UBR3: variants seen among roughly 807,000 people sequenced by gnomAD.
The protein encoded by UBR3 is E3 ubiquitin-protein ligase UBR3.
In UBR3, 85 loss-of-function variants were observed where a neutral mutation model predicts 243.2. The observed-to-expected ratio is 0.35, with a 90% confidence interval of 0.29 to 0.42. The LOEUF (loss-of-function observed/expected upper bound fraction) is 0.42. Among genes scored for constraint, UBR3 ranks in the 10% least tolerant of loss-of-function variants. UBR3 has a pLI of 1.00. For synonymous variants in UBR3, 748 were observed against 799.8 expected (o/e 0.94, Z 1.09); for missense variants, 1,686 against 2,300.8 (o/e 0.73, Z 5.47).
chr2:169,847,725 C>T (rs975130776), intron 1 of UBR3, among the ~76,000 whole-genome samples: 2 of 152,158 alleles, frequency 1.3e-5, no homozygotes. Flanking sequence ...ACTGTGTCAC[C>T]TATCTAATAC....
intron 22 of UBR3, among the ~76,000 whole-genome samples, chr2:169,949,243 T>G (rs1220696183): frequency 3.3e-5 from 5 of 152,046 alleles, no homozygotes; most frequent in Admixed American, 6.5e-5. Flanking sequence ...TAGTAAGGAG[T>G]ATCCTATTCT....
At chr2:169,998,808 T>C (rs545888471) in intron 26 of UBR3, among the ~76,000 whole-genome samples, 1 of 152,314 alleles carries the variant, frequency 6.6e-6, no homozygotes, top group Admixed American at 6.5e-5. Flanking sequence ...ATGGGAAATA[T>C]GACACAACAG....
intron 23 of UBR3, among the ~76,000 whole-genome samples, chr2:169,958,227 A>G (rs2087402256): frequency 6.6e-6 from 1 of 152,170 alleles, no homozygotes; most frequent in Non-Finnish European, 1.5e-5. Context: ...TTTTATTTTT[A>G]TCTATTAAAC....
intron 3 of UBR3, among the ~76,000 whole-genome samples, chr2:169,876,884 G>C: frequency 6.6e-6 from 1 of 151,900 alleles, no homozygotes; most frequent in African/African-American, 2.4e-5. Flanking sequence ...TTCTTTAAAC[G>C]CAAGGCTGAG....
chr2:169,830,105 A>G (rs1222879259), intron 1 of UBR3, among the ~76,000 whole-genome samples: 3 of 152,104 alleles, frequency 2.0e-5, no homozygotes, highest in Non-Finnish European at 4.4e-5. Context: ...TCAATTTGCC[A>G]TTCTTTAATT....
intron 8 of UBR3, among the ~76,000 whole-genome samples, chr2:169,904,139 T>A (rs770711442): frequency 7.9e-5 from 12 of 152,204 alleles, no homozygotes; most frequent in Non-Finnish European, 1.2e-4. Flanking sequence ...CTTTTTTTCC[T>A]GGCACTTGTT....
intron 1 of UBR3, among the ~76,000 whole-genome samples, chr2:169,835,995 CT>C (rs1198393852): frequency 0.57 from 18,978 of 33,142 alleles, 4,013 homozygotes; most frequent in Middle Eastern, 0.65. Flanking sequence ...TGTGCACTGT[CT>C]CTCTCTCTCT....
intron 20 of UBR3, among the ~76,000 whole-genome samples, chr2:169,943,392 G>A (rs1268732212): frequency 6.6e-6 from 1 of 152,112 alleles, no homozygotes; most frequent in African/African-American, 2.4e-5. Flanking sequence ...CACGAGGTCA[G>A]GAGTTCGAGA....
At chr2:169,951,849 A>T (rs963408841) in intron 23 of UBR3, among the ~76,000 whole-genome samples, 2 of 152,148 alleles carry the variant, frequency 1.3e-5, no homozygotes, top group African/African-American at 4.8e-5. Flanking sequence ...AGACTCAGTC[A>T]TCAGGTTGAT....
chr2:169,999,769 G>A (rs1293815837), intron 26 of UBR3, among the ~76,000 whole-genome samples: 4 of 152,110 alleles, frequency 2.6e-5, no homozygotes, highest in Non-Finnish European at 5.9e-5. Flanking sequence ...GGAGGAATTA[G>A]CAATGAAAGC....
chr2:169,946,313 C>G lies in UBR3; in HGVS notation c.2831C>G (p.Ser944Ter). 6.7e-7 allele frequency: 1 copy of G among 1,498,134 alleles called. No individual in the cohort carries two copies. Among genetic ancestry groups the G allele is most frequent in the Non-Finnish European group, 8.9e-7 (1 of 1,124,178 alleles). The allele number at this position is 1,498,134 out of a possible 1,614,324, so 92.8% of individuals were successfully genotyped here. A position where few individuals can be genotyped will look rare whatever the true frequency, so the allele number is the denominator to read the frequency against. ...ATTTTGATGGATCATCAAAATCTGTCAGAACATGTACTCTGCATGGTTTTA... is the reference window on the plus strand; with the variant it reads ...ATTTTGATGGATCATCAAAATCTGTGAGAACATGTACTCTGCATGGTTTTA... ...YKILMDHQNL[S>*]EHVLCMVLYL... The change falls in exon 21 of 39, where the codon TCA becomes TGA. Residue 944 changes from serine (S) to a stop codon, truncating the protein, a stop_gained. Coordinates refer to ENST00000272793, the MANE Select transcript of UBR3 (RefSeq NM_172070.4). LOFTEE classifies it high-confidence loss of function.
chr2:170,049,545 G>T (rs910440003), intron 32 of UBR3, among the ~76,000 whole-genome samples: 1 of 151,748 alleles, frequency 6.6e-6, no homozygotes, highest in African/African-American at 2.4e-5. Flanking sequence ...TGAGGATAAG[G>T]GGGGGATTAC....
At chr2:169,888,515 A>G (rs2084202521) in intron 5 of UBR3, among the ~76,000 whole-genome samples, 1 of 152,202 alleles carries the variant, frequency 6.6e-6, no homozygotes, top group South Asian at 2.1e-4. Flanking sequence ...CATGCTGTAT[A>G]TACTCGTGTA....
intron 35 of UBR3, among the ~76,000 whole-genome samples, chr2:170,062,433 T>G (rs1368407387): frequency 1.3e-5 from 2 of 152,214 alleles, no homozygotes; most frequent in East Asian, 3.8e-4. Flanking sequence ...CATTAAATAG[T>G]TTTGAATTCT....
intron 35 of UBR3, among the ~76,000 whole-genome samples, chr2:170,069,694 T>C (rs952445697): frequency 3.3e-5 from 5 of 150,276 alleles, no homozygotes; most frequent in Non-Finnish European, 7.4e-5. Context: ...GCTTATTTCA[T>C]TTAACATAAT....
intron 31 of UBR3, among the ~76,000 whole-genome samples, chr2:170,037,388 A>G (rs145185069): frequency 2.5e-4 from 38 of 151,276 alleles, no homozygotes; most frequent in African/African-American, 8.3e-4. Context: ...CCTTCCCCTC[A>G]CTTATAATTT....
At chr2:169,932,612 T>C (rs1338623632) in intron 18 of UBR3, among the ~76,000 whole-genome samples, 2 of 152,148 alleles carry the variant, frequency 1.3e-5, no homozygotes, top group Non-Finnish European at 2.9e-5. Context: ...TTCTTTCTAA[T>C]TGGCACCTTA....
At chr2:170,052,810 G>A (rs1296776889) in intron 32 of UBR3, among the ~76,000 whole-genome samples, 1 of 152,074 alleles carries the variant, frequency 6.6e-6, no homozygotes, top group Non-Finnish European at 1.5e-5. Flanking sequence ...TACTTAAAAT[G>A]CACTAAGCAA....
At chr2:169,841,295 T>C (rs923024184) in intron 1 of UBR3, among the ~76,000 whole-genome samples, 3 of 152,218 alleles carry the variant, frequency 2.0e-5, no homozygotes, top group African/African-American at 7.2e-5. Context: ...GAGATTTTTT[T>C]CTGCTAAATA....
Sources: gnomAD v4.1 joint callset for allele counts (sites outside exome capture counted in the v4.1 genomes callset) on GRCh38, gnomAD v4.1.1 for gene constraint, MANE v1.5 for transcripts, NCBI Gene and HGNC (gene_info 2026-07-23, HGNC 2026-07-21) for gene names.